SLC24A2: variants seen among roughly 807,000 people sequenced by gnomAD.
SLC24A2 encodes solute carrier family 24 member 2, also known as sodium/potassium/calcium exchanger 2.
SLC24A2 carries 36 observed loss-of-function variants against 62.0 expected under a neutral mutation model. The observed-to-expected ratio is 0.58, with a 90% CI of 0.44 to 0.77. The LOEUF is 0.77. SLC24A2 is among the 30% of genes least tolerant of loss of function. The pLI, the probability that SLC24A2 is intolerant of heterozygous loss-of-function variation, is 0.00. For synonymous variants in SLC24A2, 358 were observed against 294.0 expected, an observed-to-expected ratio of 1.22 and a Z score of -2.23; for missense variants, 846 against 817.9, an observed-to-expected ratio of 1.03 and a Z score of -0.42.
intron 7 of SLC24A2, among the ~76,000 whole-genome samples, chr9:19,563,113 A>C (rs1311142400): frequency 6.6e-6 from 1 of 152,100 alleles, no homozygotes; most frequent in Non-Finnish European, 1.5e-5. Flanking sequence ...CTCTAAAAAA[A>C]TAAAAATAAA....
At chr9:19,720,284 T>C (rs554810418) in intron 2 of SLC24A2, among the ~76,000 whole-genome samples, 2 of 152,358 alleles carry the variant, frequency 1.3e-5, no homozygotes, top group East Asian at 3.8e-4. Flanking sequence ...CTGAAAATAT[T>C]ACATCTTAAG....
chr9:19,885,021 T>C, the SLC24A2 span, among the ~76,000 whole-genome samples: 1 of 152,220 alleles, frequency 6.6e-6, no homozygotes, highest in Non-Finnish European at 1.5e-5. Flanking sequence ...ACAGGAGGAC[T>C]AGAATTTTTT....
At position 19,636,419 on chromosome 9, in the gene SLC24A2, C is replaced by CCTCTT. The variant is rs72514902; in HGVS notation, c.931-14125_931-14121dup. Among the ~76,000 whole-genome samples, 10 of 106,340 alleles carry CCTCTT rather than the reference C, an allele frequency of 9.4e-5. No homozygotes were observed. In the East Asian group the frequency reaches 9.5e-4, roughly 10 times the overall value. 69.8% of individuals were successfully genotyped at this position (106,340 alleles called of 152,430 possible). A position where few individuals can be genotyped will look rare whatever the true frequency, so the allele number is the denominator to read the frequency against. On this transcript the variant is annotated intron_variant, in intron 2 of 10. Transcript: ENST00000341998. ...TCTCTCTCTCTCTCTTTCTTTCTTT[C>CCTCTT]CTCTTCTCTTCTCTTCTCTTTTCTT...
the SLC24A2 span, among the ~76,000 whole-genome samples, chr9:20,026,906 A>G: frequency 6.6e-6 from 1 of 152,212 alleles, no homozygotes; most frequent in Non-Finnish European, 1.5e-5. Context: ...GAGAGAAAAT[A>G]TTTGCAAACT....
chr9:19,664,585 G>GTACCTGTGAATATGACCT (rs1819195786), intron 2 of SLC24A2, among the ~76,000 whole-genome samples: 1 of 152,216 alleles, frequency 6.6e-6, no homozygotes, highest in African/African-American at 2.4e-5. Flanking sequence ...CTAATCCACA[G>GTACCTGTGAATATGACCT]TACCTGTGAA....
At chr9:20,250,237 G>T in the SLC24A2 span, among the ~76,000 whole-genome samples, 16 of 152,216 alleles carry the variant, frequency 1.1e-4, no homozygotes, top group African/African-American at 3.4e-4. Context: ...TCCTGCTCAT[G>T]CTAGGCTATG....
chr9:20,231,888 T>C, the SLC24A2 span, among the ~76,000 whole-genome samples: 1 of 152,230 alleles, frequency 6.6e-6, no homozygotes, highest in South Asian at 2.1e-4. Context: ...AGATAGCTCT[T>C]ATTATTTTGA....
chr9:20,104,481 T>A, the SLC24A2 span, among the ~76,000 whole-genome samples: 1 of 152,222 alleles, frequency 6.6e-6, no homozygotes, highest in African/African-American at 2.4e-5. Flanking sequence ...GGGAAGCCCA[T>A]CAGACTAACA....
chr9:20,052,711 G>A, the SLC24A2 span, among the ~76,000 whole-genome samples: 210 of 152,228 alleles, frequency 1.4e-3, no homozygotes, highest in African/African-American at 4.9e-3. Context: ...GGGATCCTGG[G>A]CATCATAAGA....
the SLC24A2 span, among the ~76,000 whole-genome samples, chr9:20,021,022 T>C: frequency 6.6e-6 from 1 of 152,200 alleles, no homozygotes. Context: ...GCTTTTGAGA[T>C]CACATACTGT....
the SLC24A2 span, among the ~76,000 whole-genome samples, chr9:19,800,673 AAGCTGCCT>A: frequency 6.6e-6 from 1 of 151,944 alleles, no homozygotes; most frequent in Non-Finnish European, 1.5e-5. Context: ...TTTTTTTCAA[AAGCTGCCT>A]AATATTTTAT....
the SLC24A2 span, among the ~76,000 whole-genome samples, chr9:20,103,641 G>A: frequency 2.2e-4 from 33 of 152,328 alleles, 1 homozygote; most frequent in Non-Finnish European, 3.4e-4. Context: ...TGAGGGTCCT[G>A]TCTGTTAGAA....
intron 5 of SLC24A2, among the ~76,000 whole-genome samples, chr9:19,596,374 GT>G (rs1335857844): frequency 6.6e-6 from 1 of 152,068 alleles, no homozygotes. Context: ...AACCTTAAAT[GT>G]TTTTCATAAC....
chr9:19,523,302 T>C (rs1038289093), intron 9 of SLC24A2, among the ~76,000 whole-genome samples: 34 of 152,214 alleles, frequency 2.2e-4, no homozygotes, highest in Non-Finnish European at 4.4e-5. Flanking sequence ...TTGCCACTCC[T>C]AGTGCAAGTT....
At chr9:19,664,991 C>T (rs2118268584) in intron 2 of SLC24A2, among the ~76,000 whole-genome samples, 1 of 152,292 alleles carries the variant, frequency 6.6e-6, no homozygotes, top group Admixed American at 6.5e-5. Flanking sequence ...CCCTAGAAAA[C>T]AAATACGCCT....
intron 2 of SLC24A2, among the ~76,000 whole-genome samples, chr9:19,715,660 G>A (rs552974087): frequency 6.6e-6 from 1 of 152,208 alleles, no homozygotes; most frequent in African/African-American, 2.4e-5. Context: ...GCTGGCAAAT[G>A]TGACCAAGGC....
At chr9:19,683,690 G>A (rs950433100) in intron 2 of SLC24A2, among the ~76,000 whole-genome samples, 3 of 152,062 alleles carry the variant, frequency 2.0e-5, no homozygotes, top group Admixed American at 1.3e-4. Context: ...AGCAAGGACC[G>A]CTATACCACG....
At chr9:20,009,767 A>G in the SLC24A2 span, among the ~76,000 whole-genome samples, 2 of 152,270 alleles carry the variant, frequency 1.3e-5, no homozygotes, top group South Asian at 4.1e-4. Flanking sequence ...GGGAGGGAGC[A>G]TCTGGCCCTG....
chr9:20,190,944 C>T, the SLC24A2 span, among the ~76,000 whole-genome samples: 1 of 152,166 alleles, frequency 6.6e-6, no homozygotes, highest in Non-Finnish European at 1.5e-5. Context: ...AAAGTGTTAA[C>T]TGTACACAAT....
Sources: gnomAD v4.1 joint callset for allele counts (sites outside exome capture counted in the v4.1 genomes callset) on GRCh38, gnomAD v4.1.1 for gene constraint, MANE v1.5 for transcripts, NCBI Gene and HGNC (gene_info 2026-07-23, HGNC 2026-07-21) for gene names.